The following MPPED1 variants were observed in gnomAD, a reference collection of about 807,000 sequenced individuals.
The protein encoded by MPPED1 is metallophosphoesterase domain containing 1, also known as metallophosphoesterase domain-containing protein 1.
Under a neutral mutation model 36.2 loss-of-function variants are expected in MPPED1, and 16 were observed. The ratio of observed to expected loss-of-function variants is 0.44; its 90% confidence interval spans 0.30 to 0.67. The LOEUF is 0.67. Ranked by LOEUF, MPPED1 falls within the 30% of genes least tolerant of loss-of-function variation. The pLI is 0.10. For synonymous variants in MPPED1, 199 were observed against 191.3 expected (o/e 1.04, Z -0.33); for missense variants, 307 against 453.4 (o/e 0.68, Z 2.93).
intron 4 of MPPED1, among the ~76,000 whole-genome samples, chr22:43,496,584 T>A (rs1239689545): frequency 4.3e-5 from 1 of 23,154 alleles, no homozygotes. Context: ...GTGGTGGTGG[T>A]GGTGGAGATG....
intron 4 of MPPED1, among the ~76,000 whole-genome samples, chr22:43,489,624 T>C (rs1447616232): frequency 6.6e-6 from 1 of 152,010 alleles, no homozygotes; most frequent in East Asian, 1.9e-4. Flanking sequence ...GTTCAAGTGA[T>C]TTTCCTGCCT....
chr22:43,433,432 C>CAGTGAATG (rs1365181032), intron 2 of MPPED1, among the ~76,000 whole-genome samples: 1 of 52,066 alleles, frequency 1.9e-5, no homozygotes, highest in East Asian at 7.8e-4. Context: ...GTATTGTATT[C>CAGTGAATG]AGTGAATGAG....
intron 2 of MPPED1, among the ~76,000 whole-genome samples, chr22:43,432,338 AAG>A (rs201306191): frequency 0.063 from 7,195 of 113,956 alleles, 306 homozygotes; most frequent in African/African-American, 0.13. Context: ...GAAAGAGGGA[AAG>A]AGAGAAGGGG....
At chr22:43,471,321 C>A (rs979652724) in intron 3 of MPPED1, among the ~76,000 whole-genome samples, 2 of 152,192 alleles carry the variant, frequency 1.3e-5, no homozygotes, top group African/African-American at 2.4e-5. Flanking sequence ...GTGGCCACCC[C>A]CAACCCGAGC....
chr22:43,505,052 A>T (rs530210567), intron 6 of MPPED1, among the ~76,000 whole-genome samples: 1 of 151,634 alleles, frequency 6.6e-6, no homozygotes, highest in East Asian at 1.9e-4. Flanking sequence ...GTTGGTGATG[A>T]TGTTGATCAT....
intron 3 of MPPED1, among the ~76,000 whole-genome samples, chr22:43,438,769 A>G (rs1312101236): frequency 1.3e-5 from 2 of 152,266 alleles, no homozygotes; most frequent in East Asian, 1.9e-4. Context: ...AGTGTGTCAC[A>G]GAAGGGATGG....
At chr22:43,465,210 G>C (rs903242490) in intron 3 of MPPED1, among the ~76,000 whole-genome samples, 1 of 152,248 alleles carries the variant, frequency 6.6e-6, no homozygotes, top group Non-Finnish European at 1.5e-5. Flanking sequence ...ACAGCCTCGT[G>C]GGGCAGCTCC....
At chr22:43,460,859 C>A (rs1173685188) in intron 3 of MPPED1, among the ~76,000 whole-genome samples, 2 of 152,176 alleles carry the variant, frequency 1.3e-5, no homozygotes, top group African/African-American at 4.8e-5. Flanking sequence ...ACACGCACAG[C>A]CCTGCACATA....
intron 2 of MPPED1, among the ~76,000 whole-genome samples, chr22:43,427,695 A>G (rs1480277470): frequency 6.6e-6 from 1 of 152,070 alleles, no homozygotes; most frequent in Admixed American, 6.5e-5. Context: ...TTGGGCGCTG[A>G]GCTTGCCTGC....
At chr22:43,432,307 G>A (rs1488542104) in intron 2 of MPPED1, among the ~76,000 whole-genome samples, 1 of 146,508 alleles carries the variant, frequency 6.8e-6, no homozygotes, top group Non-Finnish European at 1.5e-5. Flanking sequence ...GAGGGAAAGA[G>A]AGAGAGAGAA....
Position 43,455,115 on chromosome 22 carries a change from C to CTTTTTTTTTT in MPPED1, c.407-19618_407-19609dup, listed in dbSNP as rs71284734. On this transcript the variant is annotated intron_variant, in intron 3 of 6. Transcript: ENST00000443721. Reference sequence around the variant, plus strand: ...TTCTCTGCCTCTCTGCCTTCATGTCCTTTTTTTTTTTTGAGACGAAGTCTT... The same window carrying CTTTTTTTTTT: ...TTCTCTGCCTCTCTGCCTTCATGTCCTTTTTTTTTTTTTTTTTTTTTTGAGACGAAGTCTT... 1.5e-3 allele frequency among the ~76,000 whole-genome samples: 189 copies of CTTTTTTTTTT among 122,760 alleles called. 7 individuals carry two copies. Among genetic ancestry groups the CTTTTTTTTTT allele is most frequent in the African/African-American group, 4.7e-3 (144 of 30,778 alleles). 80.5% of individuals were successfully genotyped at this position (122,760 alleles called of 152,430 possible). A position where few individuals can be genotyped will look rare whatever the true frequency, so the allele number is the denominator to read the frequency against.
intron 4 of MPPED1, among the ~76,000 whole-genome samples, chr22:43,476,237 C>T (rs568420869): frequency 5.9e-5 from 9 of 152,228 alleles, no homozygotes; most frequent in African/African-American, 1.9e-4. Context: ...ACAGAATGAG[C>T]GGCCACAGGG....
chr22:43,434,887 G>A, intron 2 of MPPED1, 147 bp from the exon 3 acceptor site: 1 of 833,868 alleles, frequency 1.2e-6, no homozygotes, highest in Admixed American at 2.6e-5. Context: ...GTGGACCCCT[G>A]GGAAGGCTGG....
Position 43,502,705 on chromosome 22 carries a change from G to T in MPPED1, c.810G>T (p.Thr270=). The T allele has an allele frequency of 6.2e-7, 1 of 1,613,304 alleles. No individual in the cohort carries two copies. Among genetic ancestry groups the T allele is most frequent in the Non-Finnish European group, 8.5e-7 (1 of 1,179,856 alleles). ...QRVGCVELLN[T]VQRRVQPRLH... ...TGGGCTGTGTGGAGCTGCTCAACAC[G>T]GTGCAGAGGCGCGTCCAGCCGCGGT... is the stretch of plus-strand genomic sequence containing the variant. The change falls in exon 6 of 7, where the codon ACG becomes ACT. Residue 270 remains threonine (T), a synonymous_variant. Coordinates refer to ENST00000443721, the MANE Select transcript of MPPED1 (RefSeq NM_001044370.2). The surrounding 1 kb of genome is among the most constrained non-coding windows in gnomAD (Gnocchi z 5.5).
At chr22:43,417,936 C>T (rs117231932) in intron 1 of MPPED1, 14 of 407,722 alleles carry the variant, frequency 3.4e-5, no homozygotes, top group Admixed American at 1.3e-4. Flanking sequence ...TTCCTCAGAA[C>T]GCCGCAGCGG....
At position 43,425,147 on chromosome 22, in the gene MPPED1, C is replaced by T; in HGVS notation, c.162C>T (p.Pro54=). ...AGGTGGACGAGTACAGCTCCAACCCCACCCAGGCCTTCACCTTCTACAACA... is the reference window on the plus strand; with the variant it reads ...AGGTGGACGAGTACAGCTCCAACCCTACCCAGGCCTTCACCTTCTACAACA... The part of the protein sequence containing the change: ...IIEVDEYSSN[P]TQAFTFYNIN... The change falls in exon 2 of 7, where the codon CCC becomes CCT. Residue 54 remains proline, a synonymous_variant. Coordinates refer to ENST00000443721, the MANE Select transcript of MPPED1 (RefSeq NM_001044370.2). The T allele has an allele frequency of 8.7e-6, 14 of 1,613,594 alleles. No individual in the cohort carries two copies. Among genetic ancestry groups the T allele is most frequent in the Non-Finnish European group, 1.1e-5 (13 of 1,179,626 alleles).
rs1321289636 is a variant in MPPED1 at position 43,447,883 on chromosome 22, A to ATATATAT, written c.406+12669_406+12670insATATATT. On this transcript the variant is annotated intron_variant, in intron 3 of 6. Coordinates refer to ENST00000443721, the MANE Select transcript of MPPED1 (RefSeq NM_001044370.2). ...ATTATATATATATATATATATATAT[A>ATATATAT]TTTTTTTTTTTTTTAGACAAAGTCT... 4.4e-3 allele frequency among the ~76,000 whole-genome samples: 295 copies of ATATATAT among 67,700 alleles called. 4 individuals are homozygous for ATATATAT. Among genetic ancestry groups the ATATATAT allele is most frequent in the East Asian group, 0.016 (52 of 3,346 alleles). The allele number at this position is 67,700 out of a possible 152,430, so 44.4% of individuals were successfully genotyped here. A position where few individuals can be genotyped will look rare whatever the true frequency, so the allele number is the denominator to read the frequency against.
chr22:43,424,166 G>A (rs888845780), intron 1 of MPPED1, among the ~76,000 whole-genome samples: 1 of 152,096 alleles, frequency 6.6e-6, no homozygotes, highest in African/African-American at 2.4e-5. Context: ...AAAGATTGAC[G>A]GGGCACATTA....
chr22:43,426,469 C>G (rs1929476415), intron 2 of MPPED1, among the ~76,000 whole-genome samples: 2 of 152,058 alleles, frequency 1.3e-5, no homozygotes, highest in African/African-American at 4.8e-5. Flanking sequence ...AGTCTGGTGC[C>G]CCAAAAAGGG....
Sources: allele counts gnomAD v4.1 joint callset (sites outside exome capture counted in the v4.1 genomes callset), GRCh38; gene constraint gnomAD v4.1.1; non-coding constraint Gnocchi (gnomAD v3.1); transcripts MANE v1.5; gene names NCBI Gene and HGNC (gene_info 2026-07-23, HGNC 2026-07-21).